The following SCARB1 variants were observed in gnomAD, a reference collection of about 807,000 sequenced individuals.
SCARB1 encodes the protein CD36 and LIMPII analogous 1.
SCARB1 carries 30 observed loss-of-function variants against 57.2 expected under a neutral mutation model. The ratio of observed to expected loss-of-function variants is 0.52; its 90% CI spans 0.39 to 0.71. The LOEUF is 0.71. SCARB1 is among the 30% of genes least tolerant of loss of function. SCARB1 has a pLI of 0.00. For synonymous variants in SCARB1, 249 were observed against 268.3 expected, an observed-to-expected ratio of 0.93 and a Z score of 0.70; for missense variants, 543 against 671.2, an observed-to-expected ratio of 0.81 and a Z score of 2.11.
chr12:124,847,135 C>T (rs1952195394), intron 1 of SCARB1, among the ~76,000 whole-genome samples: 1 of 152,218 alleles, frequency 6.6e-6, no homozygotes, highest in South Asian at 2.1e-4. Context: ...TTGCATATGT[C>T]TTACACTTTC....
chr12:124,826,142 G>C (rs1488041733), intron 1 of SCARB1, among the ~76,000 whole-genome samples: 1 of 151,906 alleles, frequency 6.6e-6, no homozygotes, highest in East Asian at 1.9e-4. Context: ...AGAACAACCT[G>C]GGCAACATAG....
chr12:124,790,392 AC>A (rs1456470170), intron 9 of SCARB1, among the ~76,000 whole-genome samples: 1 of 152,042 alleles, frequency 6.6e-6, no homozygotes, highest in Non-Finnish European at 1.5e-5. Flanking sequence ...AACAACAACA[AC>A]AACAACAAAA....
chr12:124,803,072 A>C (rs1383761443), intron 7 of SCARB1, among the ~76,000 whole-genome samples: 1 of 152,226 alleles, frequency 6.6e-6, no homozygotes, highest in East Asian at 1.9e-4. Flanking sequence ...GTCACGGACG[A>C]ATTGCACCAG....
intron 7 of SCARB1, among the ~76,000 whole-genome samples, chr12:124,806,307 G>A (rs1950321953): frequency 6.6e-6 from 1 of 152,134 alleles, no homozygotes; most frequent in Non-Finnish European, 1.5e-5. Context: ...TGAGGACAGG[G>A]AAACAAACTG....
chr12:124,822,844 T>G lies in SCARB1; in HGVS notation c.127-5137A>C, dbSNP rs1387021077. Among the ~76,000 whole-genome samples the G allele has an allele frequency of 1.3e-5, 2 of 152,186 alleles. No homozygotes were observed. The highest frequency in any genetic ancestry group is 2.9e-5 in the Non-Finnish European group (2 of 68,036). On this transcript the variant is annotated intron_variant, in intron 1 of 12. Coordinates refer to ENST00000261693, the MANE Select transcript of SCARB1 (RefSeq NM_005505.5). This position sits in a 1 kb window ranked among gnomAD's most constrained non-coding sequence, Gnocchi z 5.0. ...TCAAGGCTGCAGTGAGCCGTGATCA[T>G]GTGCCTGCACTCCAGTCTGGGCCAC...
intron 2 of SCARB1, 129 bp from the exon 3 acceptor site, chr12:124,815,243 A>C (rs1950665768): frequency 1.9e-6 from 2 of 1,070,852 alleles, no homozygotes; most frequent in Admixed American, 1.9e-5. Flanking sequence ...CCCCACAGCC[A>C]AAGCTGAGCT....
At chr12:124,797,865 G>A (rs1042495026) in intron 8 of SCARB1, among the ~76,000 whole-genome samples, 2 of 152,212 alleles carry the variant, frequency 1.3e-5, no homozygotes, top group African/African-American at 4.8e-5. Flanking sequence ...CTTCGGGAAG[G>A]GCCTAAGGTG....
At chr12:124,827,392 A>G (rs1315180242) in intron 1 of SCARB1, among the ~76,000 whole-genome samples, 1 of 150,966 alleles carries the variant, frequency 6.6e-6, no homozygotes, top group Non-Finnish European at 1.5e-5. Flanking sequence ...AGATAACACC[A>G]GTAGTTTTGG....
intron 8 of SCARB1, among the ~76,000 whole-genome samples, chr12:124,799,157 C>A (rs1383602674): frequency 1.3e-5 from 2 of 152,166 alleles, no homozygotes; most frequent in Non-Finnish European, 2.9e-5. Context: ...TTTAGGTATT[C>A]CACAAGTTAT....
At chr12:124,786,265 G>T in intron 11 of SCARB1, 92 bp downstream of exon 11, 1 of 1,600,746 alleles carries the variant, frequency 6.2e-7, no homozygotes, top group Non-Finnish European at 8.5e-7. Flanking sequence ...GCTCCAGGCT[G>T]CGGTTGGCCA....
chr12:124,810,438 G>C lies in SCARB1; in HGVS notation c.727-149C>G, dbSNP rs2135658090. 4.5e-6 allele frequency: 3 copies of C among 659,668 alleles called. No individual in the cohort carries two copies. The South Asian group carries it at 5.0e-5, about 11-fold the overall frequency. 40.9% of individuals were successfully genotyped at this position (659,668 alleles called of 1,614,324 possible). A position where few individuals can be genotyped will look rare whatever the true frequency, so the allele number is the denominator to read the frequency against. On this transcript the variant is annotated intron_variant, in intron 5 of 12. Transcript: ENST00000261693. The surrounding 1 kb of genome is among the most constrained non-coding windows in gnomAD (Gnocchi z 4.0). Reference sequence around the variant, plus strand: ...CGGTGGGAAGAGGGCAGGCTATGTAGACACACAGAGAGAATGCCTACCACA... The same window carrying C: ...CGGTGGGAAGAGGGCAGGCTATGTACACACACAGAGAGAATGCCTACCACA...
Position 124,778,212 on chromosome 12 carries a change from G to A in SCARB1, c.*375C>T, listed in dbSNP as rs1872688315. The A allele has an allele frequency of 5.4e-6, 2 of 372,048 alleles. No individual in the cohort carries two copies. The highest frequency in any genetic ancestry group is 1.5e-4 in the South Asian group (1 of 6,794). 23.0% of individuals were successfully genotyped at this position (372,048 alleles called of 1,614,324 possible). The stretch of plus-strand genomic sequence containing the variant: ...AGTGTTTCACCTTGGAGGGGAGGAA[G>A]CCTGGGCCCAACGGCTGAACGGGAC... On this transcript the variant is annotated 3_prime_UTR_variant, in exon 13 of 13. Transcript: ENST00000261693.
intron 7 of SCARB1, among the ~76,000 whole-genome samples, chr12:124,805,876 G>T (rs1950305788): frequency 1.3e-5 from 2 of 151,766 alleles, no homozygotes; most frequent in Non-Finnish European, 2.9e-5. Flanking sequence ...GGCCTGCATT[G>T]TTAAAAGATC....
chr12:124,810,259 T>C lies in SCARB1; in HGVS notation c.757A>G (p.Met253Val). Reference sequence around the variant, plus strand: ...ATTTGCCCAGAAGTTCCATTGATCATGTTGCACTGATCGGAATGCCAGAAG... The same window carrying C: ...ATTTGCCCAGAAGTTCCATTGATCACGTTGCACTGATCGGAATGCCAGAAG... ...VDFWHSDQCN[M>V]INGTSGQMWP... Residue 253 changes from methionine (M) to valine (V), a missense_variant, in exon 6 of 13, where the codon ATG (methionine) becomes GTG (valine). By Grantham distance (21) the Met-to-Val change is conservative. Transcript: ENST00000261693. This position sits in a 1 kb window ranked among gnomAD's most constrained non-coding sequence, Gnocchi z 4.0. 2 of 1,613,930 alleles carry C rather than the reference T, an allele frequency of 1.2e-6. No individual in the cohort carries two copies. The highest frequency in any genetic ancestry group is 2.2e-5 in the South Asian group (2 of 91,074).
At chr12:124,844,301 G>A (rs1952044952) in intron 1 of SCARB1, among the ~76,000 whole-genome samples, 1 of 152,246 alleles carries the variant, frequency 6.6e-6, no homozygotes, top group African/African-American at 2.4e-5. Flanking sequence ...TGGAAAAGCC[G>A]CCCTCTCCTC....
intron 7 of SCARB1, among the ~76,000 whole-genome samples, chr12:124,801,607 A>AC (rs556628235): frequency 2.5e-4 from 38 of 152,036 alleles, no homozygotes; most frequent in African/African-American, 7.7e-4. Flanking sequence ...ACATGGTGAG[A>AC]CCCCGTCTCT....
chr12:124,803,261 T>C (rs1950196451), intron 7 of SCARB1, among the ~76,000 whole-genome samples: 1 of 152,038 alleles, frequency 6.6e-6, no homozygotes, highest in African/African-American at 2.4e-5. Flanking sequence ...GGCCACGGGG[T>C]GCGTTGACTT....
At chr12:124,801,069 C>A (rs1950112498) in intron 7 of SCARB1, among the ~76,000 whole-genome samples, 1 of 152,136 alleles carries the variant, frequency 6.6e-6, no homozygotes, top group South Asian at 2.1e-4. Flanking sequence ...CATGGTGGCA[C>A]CTGCATGTAG....
intron 1 of SCARB1, among the ~76,000 whole-genome samples, chr12:124,819,032 T>G (rs1358108052): frequency 6.6e-6 from 1 of 151,044 alleles, no homozygotes; most frequent in African/African-American, 2.4e-5. Context: ...GAGGCTGAGA[T>G]GGGAGGGTCA....
Sources: gnomAD v4.1 joint callset for allele counts (sites outside exome capture counted in the v4.1 genomes callset) on GRCh38, gnomAD v4.1.1 for gene constraint, Gnocchi (gnomAD v3.1) non-coding constraint, MANE v1.5 for transcripts, NCBI Gene and HGNC (gene_info 2026-07-23, HGNC 2026-07-21) for gene names.